Variants in ARHGAP29 observed in about 807,000 individuals in gnomAD.
The protein encoded by ARHGAP29 is rho GTPase-activating protein 29.
ARHGAP29 carries 43 observed loss-of-function variants against 122.6 expected under a neutral mutation model. The observed-to-expected ratio is 0.35, with a 90% CI of 0.27 to 0.45. The LOEUF is 0.45. Ranked by LOEUF, ARHGAP29 falls within the 20% of genes least tolerant of loss-of-function variation. The pLI is 1.00. For missense variants in ARHGAP29, 1,303 were observed against 1,477.2 expected (o/e 0.88, Z 1.93); for synonymous variants, 506 against 497.1 (o/e 1.02, Z -0.24).
chr1:94,218,525 T>C (rs1652091584), intron 3 of ARHGAP29, among the ~76,000 whole-genome samples: 1 of 152,184 alleles, frequency 6.6e-6, no homozygotes, highest in Non-Finnish European at 1.5e-5. Context: ...CTGCACACAA[T>C]AGCTACTGAC....
chr1:94,229,561 A>G (rs1570576544), intron 2 of ARHGAP29, among the ~76,000 whole-genome samples: 1 of 151,792 alleles, frequency 6.6e-6, no homozygotes, highest in Non-Finnish European at 1.5e-5. Flanking sequence ...GCCACTGCAT[A>G]CTACTGAGTT....
At chr1:94,284,147 T>C in the ARHGAP29 span, among the ~76,000 whole-genome samples, 1 of 151,438 alleles carries the variant, frequency 6.6e-6, no homozygotes, top group Non-Finnish European at 1.5e-5. Context: ...TTTAAGTGGG[T>C]TTTCAGAGAA....
rs1035158028 is a variant in ARHGAP29, at chr1:94,188,686, T to C, written c.1681+151A>G. 1.7e-5 allele frequency: 11 copies of C among 644,640 alleles called. 1 individual carries two copies. The highest frequency in any genetic ancestry group is 2.6e-5 in the Non-Finnish European group (10 of 382,552). 39.9% of individuals were successfully genotyped at this position (644,640 alleles called of 1,614,324 possible). Reference sequence around the variant, plus strand: ...ATTCTTAGCCTGGGTGGCGAATATATGAGGGGTTTTTAAAAACTATTTTTT... The same window carrying C: ...ATTCTTAGCCTGGGTGGCGAATATACGAGGGGTTTTTAAAAACTATTTTTT... On this transcript the variant is annotated intron_variant, in intron 15 of 22. Coordinates refer to ENST00000260526, the MANE Select transcript of ARHGAP29 (RefSeq NM_004815.4).
chr1:94,220,992 G>A (rs1434377914), intron 2 of ARHGAP29, among the ~76,000 whole-genome samples: 1 of 152,086 alleles, frequency 6.6e-6, no homozygotes, highest in Non-Finnish European at 1.5e-5. Context: ...ACAGTAGCTA[G>A]AACAGAGCAG....
chr1:94,209,636 T>C (rs530707852), intron 3 of ARHGAP29, among the ~76,000 whole-genome samples: 1 of 152,342 alleles, frequency 6.6e-6, no homozygotes, highest in East Asian at 1.9e-4. Context: ...CCATCAGTGC[T>C]GGAGTCACAG....
At chr1:94,258,198 A>G (rs1220594669) in intron 1 of ARHGAP29, among the ~76,000 whole-genome samples, 1 of 152,132 alleles carries the variant, frequency 6.6e-6, no homozygotes, top group African/African-American at 2.4e-5. Flanking sequence ...AGTTAACACT[A>G]ATTGTTCAGG....
At chr1:94,306,993 A>G in the ARHGAP29 span, among the ~76,000 whole-genome samples, 1 of 152,236 alleles carries the variant, frequency 6.6e-6, no homozygotes, top group Admixed American at 6.5e-5. Context: ...ACAAAACAAA[A>G]AAGTTACACC....
chr1:94,243,500 G>A (rs1450660956), intron 1 of ARHGAP29, among the ~76,000 whole-genome samples: 1 of 151,902 alleles, frequency 6.6e-6, no homozygotes, highest in Non-Finnish European at 1.5e-5. Flanking sequence ...TGAACTGAAT[G>A]AAAATGAAAA....
chr1:94,270,583 C>G (rs947840304), intron 1 of ARHGAP29, among the ~76,000 whole-genome samples: 1 of 152,194 alleles, frequency 6.6e-6, no homozygotes, highest in Admixed American at 6.5e-5. Flanking sequence ...ATTTCATGAG[C>G]AGGTGACCCA....
chr1:94,288,958 T>C, the ARHGAP29 span, among the ~76,000 whole-genome samples: 1 of 152,356 alleles, frequency 6.6e-6, no homozygotes, highest in Non-Finnish European at 1.5e-5. Flanking sequence ...TGCTTAGGAT[T>C]GACTTGGCTA....
intron 12 of ARHGAP29, among the ~76,000 whole-genome samples, chr1:94,200,773 C>G (rs746119906): frequency 6.6e-6 from 1 of 152,050 alleles, no homozygotes; most frequent in African/African-American, 2.4e-5. Flanking sequence ...GTAAAATAAA[C>G]CAGTCAAAAG....
chr1:94,177,670 T>C lies in ARHGAP29; in HGVS notation c.2847A>G (p.Ser949=). Residue 949 remains serine, a synonymous_variant, in exon 22 of 23, where the codon TCA becomes TCG. Transcript: ENST00000260526. ...SESKIFERAT[S]FEESERKQNA... ...TTTGCTTGCGTTCTGATTCCTCAAA[T>C]GATGTAGCTCGTTCAAAAATTTTGC... The C allele has an allele frequency of 6.2e-7, 1 of 1,613,676 alleles. No individual in the cohort carries two copies.
intron 11 of ARHGAP29, chr1:94,202,146 C>T (rs1650887924): frequency 7.0e-6 from 3 of 428,776 alleles, no homozygotes; most frequent in East Asian, 4.0e-5. Flanking sequence ...AGAATTTGTT[C>T]GTAAAATTAC....
In ARHGAP29 at chr1:94,177,962, T is replaced by A. The variant is rs749204768; in HGVS notation, c.2686A>T (p.Met896Leu). 16 of 1,614,162 alleles carry A rather than the reference T, an allele frequency of 9.9e-6. No homozygotes were observed. Among genetic ancestry groups the A allele is most frequent in the Non-Finnish European group, 1.2e-5 (14 of 1,180,008 alleles). The change falls in exon 21 of 23, where the codon ATG becomes TTG. Residue 896 changes from methionine to leucine, a missense_variant. Met to Leu is a conservative substitution (Grantham distance 15). Coordinates refer to ENST00000260526, the MANE Select transcript of ARHGAP29 (RefSeq NM_004815.4). ...TGATCAACAACACCTATGCTACACA[T>A]AACATCTTGTGGTTGTAGGGACCCA... ...FDGSLQPQDV[M>L]CSIGVVDQGC...
At chr1:94,204,716 T>C (rs1651084805) in intron 7 of ARHGAP29, among the ~76,000 whole-genome samples, 2 of 149,804 alleles carry the variant, frequency 1.3e-5, no homozygotes, top group South Asian at 2.1e-4. Flanking sequence ...GCTATTAAAA[T>C]GTTTCTTCTC....
intron 19 of ARHGAP29, 33 bp from the exon 20 acceptor site, chr1:94,179,990 T>G (rs187928746): frequency 8.9e-5 from 129 of 1,442,026 alleles, no homozygotes; most frequent in Non-Finnish European, 1.1e-4. Context: ...GGGTAAGCAT[T>G]CTATTTTTTT....
chr1:94,215,834 T>C (rs1441806622), intron 3 of ARHGAP29, among the ~76,000 whole-genome samples: 1 of 152,156 alleles, frequency 6.6e-6, no homozygotes, highest in Non-Finnish European at 1.5e-5. Context: ...CTAATTTTAC[T>C]TATACAGAGT....
intron 22 of ARHGAP29, among the ~76,000 whole-genome samples, chr1:94,175,030 G>T (rs534019468): frequency 5.3e-5 from 8 of 152,128 alleles, no homozygotes; most frequent in Non-Finnish European, 8.8e-5. Context: ...TGCTGTGCAT[G>T]AACAAGTACT....
At chr1:94,312,324 C>T in the ARHGAP29 span, among the ~76,000 whole-genome samples, 41 of 150,420 alleles carry the variant, frequency 2.7e-4, no homozygotes, top group African/African-American at 9.0e-4. Context: ...AAATCTGATC[C>T]GGCCTTCCTC....
Sources: allele counts gnomAD v4.1 joint callset (sites outside exome capture counted in the v4.1 genomes callset), GRCh38; gene constraint gnomAD v4.1.1; transcripts MANE v1.5; gene names NCBI Gene and HGNC (gene_info 2026-07-23, HGNC 2026-07-21).